Variants in CDKAL1 observed in about 807,000 individuals in gnomAD.
CDKAL1 encodes CDKAL1 threonylcarbamoyladenosine tRNA methylthiotransferase, also known as threonylcarbamoyladenosine tRNA methylthiotransferase.
Under a neutral mutation model 68.2 loss-of-function variants are expected in CDKAL1, and 32 were observed. The ratio of observed to expected loss-of-function variants is 0.47; its 90% CI spans 0.35 to 0.63. The LOEUF is 0.63. Among genes scored for constraint, CDKAL1 ranks in the 30% least tolerant of loss-of-function variants. The probability of loss-of-function intolerance (pLI) is 0.00; values close to 1 mark genes in which losing one functional copy is unlikely to be tolerated. For synonymous variants in CDKAL1, 234 were observed against 244.3 expected (o/e 0.96, Z 0.39); for missense variants, 606 against 696.7 (o/e 0.87, Z 1.47).
At chr6:20,566,086 CCTGG>C (rs1180859014) in intron 4 of CDKAL1, among the ~76,000 whole-genome samples, 1 of 151,942 alleles carries the variant, frequency 6.6e-6, no homozygotes, top group African/African-American at 2.4e-5. Context: ...CCATACATAC[CCTGG>C]CTGTCCATAA....
At chr6:20,584,675 C>T (rs1765273073) in intron 4 of CDKAL1, among the ~76,000 whole-genome samples, 1 of 152,170 alleles carries the variant, frequency 6.6e-6, no homozygotes, top group Non-Finnish European at 1.5e-5. Context: ...TTCAATAGAA[C>T]TTTTGAATAA....
chr6:20,578,295 T>A (rs1288760166), intron 4 of CDKAL1, among the ~76,000 whole-genome samples: 5 of 152,124 alleles, frequency 3.3e-5, no homozygotes, highest in Admixed American at 2.0e-4. Context: ...GTAGGGGATA[T>A]TTCCATCACC....
rs188837994 is a variant in CDKAL1, at chr6:20,791,832, T to C, written c.638+10567T>C. On this transcript the variant is annotated intron_variant, in intron 8 of 15. Transcript: ENST00000274695. ...TGCCTTCCTTTCTTGCCTTTTTTTT[T>C]CCCACTTCTACTGGAGCTAAGGTGC... is the stretch of plus-strand genomic sequence containing the variant. Among the ~76,000 whole-genome samples the C allele has an allele frequency of 4.3e-4, 65 of 152,274 alleles. 1 individual carries two copies. The highest frequency in any genetic ancestry group is 2.1e-3 in the South Asian group (10 of 4,826).
intron 6 of CDKAL1, among the ~76,000 whole-genome samples, chr6:20,753,307 A>C (rs143422536): frequency 6.7e-6 from 1 of 149,612 alleles, no homozygotes; most frequent in Non-Finnish European, 1.5e-5. Context: ...ACCATACTTC[A>C]TTCCCTTTTA....
At chr6:20,650,555 T>C (rs1768712358) in intron 5 of CDKAL1, among the ~76,000 whole-genome samples, 1 of 152,202 alleles carries the variant, frequency 6.6e-6, no homozygotes, top group Non-Finnish European at 1.5e-5. Flanking sequence ...AGAAGCTCTT[T>C]AATTAGATTC....
At chr6:20,631,976 T>C (rs971591384) in intron 4 of CDKAL1, among the ~76,000 whole-genome samples, 1 of 152,234 alleles carries the variant, frequency 6.6e-6, no homozygotes, top group African/African-American at 2.4e-5. Flanking sequence ...TCTATAATTA[T>C]ACTGTATGTG....
intron 4 of CDKAL1, among the ~76,000 whole-genome samples, chr6:20,646,353 CCAA>C (rs1168387569): frequency 2.0e-5 from 3 of 151,190 alleles, no homozygotes; most frequent in Non-Finnish European, 4.4e-5. Flanking sequence ...CTGCACCTGG[CCAA>C]CTTTTTTCTT....
intron 15 of CDKAL1, among the ~76,000 whole-genome samples, chr6:21,203,593 G>T (rs1049710586): frequency 1.7e-4 from 26 of 150,984 alleles, no homozygotes; most frequent in African/African-American, 6.3e-4. Flanking sequence ...GCCCAAGTTC[G>T]TCTTGAACTC....
intron 4 of CDKAL1, among the ~76,000 whole-genome samples, chr6:20,631,928 C>T (rs1186267280): frequency 6.6e-6 from 1 of 152,154 alleles, no homozygotes; most frequent in East Asian, 1.9e-4. Flanking sequence ...CAACTGTAAA[C>T]ATTTTGGTGC....
chr6:20,641,366 T>A (rs1251349726), intron 4 of CDKAL1, among the ~76,000 whole-genome samples: 3 of 152,186 alleles, frequency 2.0e-5, no homozygotes, highest in Non-Finnish European at 4.4e-5. Context: ...TAAATATTCA[T>A]GTGTCCCTTC....
intron 8 of CDKAL1, among the ~76,000 whole-genome samples, chr6:20,808,489 A>G (rs1224489722): frequency 1.3e-5 from 2 of 152,154 alleles, no homozygotes; most frequent in Admixed American, 6.5e-5. Context: ...GTTGATGGAA[A>G]CAGGGAGAGA....
intron 10 of CDKAL1, among the ~76,000 whole-genome samples, chr6:20,992,905 G>GAAA (rs57746939): frequency 8.3e-5 from 12 of 144,094 alleles, no homozygotes; most frequent in Admixed American, 2.1e-4. Context: ...CTGTCTCAAA[G>GAAA]AAAAAAAAAA....
chr6:20,598,437 G>T (rs564990619), intron 4 of CDKAL1, among the ~76,000 whole-genome samples: 3,665 of 152,224 alleles, frequency 0.024, 135 homozygotes, highest in African/African-American at 0.078. Context: ...ATAGGTTACA[G>T]CCATTTTGGA....
In CDKAL1 at chr6:20,696,700, T is replaced by A. The variant is rs185756390; in HGVS notation, c.372-42819T>A. On this transcript the variant is annotated intron_variant, in intron 5 of 15. Transcript: ENST00000274695. ...AGTTGTGTTAAATTGGAAGGTAGTA[T>A]GGTAGAATAAGAATCACAGCTTGTA... Among the ~76,000 whole-genome samples the A allele has an allele frequency of 3.7e-4, 56 of 152,350 alleles. 1 individual carries two copies. Among genetic ancestry groups the A allele is most frequent in the Admixed American group, 3.3e-3 (50 of 15,300 alleles).
chr6:20,601,962 T>C (rs1346904045), intron 4 of CDKAL1, among the ~76,000 whole-genome samples: 1 of 152,184 alleles, frequency 6.6e-6, no homozygotes, highest in African/African-American at 2.4e-5. Context: ...GAAGACCTAA[T>C]GAAAAGTTTA....
At position 20,736,910 on chromosome 6, in the gene CDKAL1, G is replaced by A. The variant is rs947155245; in HGVS notation, c.372-2609G>A. ...CAGAAGGGGAATGTCGATGTCAAATGTATTGACATTTTACACTATGTCACC... is the reference window on the plus strand; with the variant it reads ...CAGAAGGGGAATGTCGATGTCAAATATATTGACATTTTACACTATGTCACC... On this transcript the variant is annotated intron_variant, in intron 5 of 15. Transcript: ENST00000274695. 7.2e-5 allele frequency among the ~76,000 whole-genome samples: 11 copies of A among 152,140 alleles called. No homozygotes were observed. The East Asian group carries it at 2.1e-3, about 29-fold the overall frequency.
intron 4 of CDKAL1, among the ~76,000 whole-genome samples, chr6:20,599,006 A>G (rs1765964569): frequency 6.6e-6 from 1 of 152,014 alleles, no homozygotes; most frequent in Non-Finnish European, 1.5e-5. Flanking sequence ...TTGTTATATC[A>G]TTTTATTTAT....
intron 5 of CDKAL1, among the ~76,000 whole-genome samples, chr6:20,657,928 C>G (rs568272741): frequency 6.6e-6 from 1 of 152,302 alleles, no homozygotes; most frequent in South Asian, 2.1e-4. Flanking sequence ...ACTAGTTCCT[C>G]TTGAGCATTT....
intron 13 of CDKAL1, among the ~76,000 whole-genome samples, chr6:21,170,460 G>T (rs1777335966): frequency 6.6e-6 from 1 of 152,024 alleles, no homozygotes; most frequent in African/African-American, 2.4e-5. Context: ...CGCCCGAGTA[G>T]CTGGGATTAC....
Sources: allele counts gnomAD v4.1 joint callset (sites outside exome capture counted in the v4.1 genomes callset), GRCh38; gene constraint gnomAD v4.1.1; transcripts MANE v1.5; gene names NCBI Gene and HGNC (gene_info 2026-07-23, HGNC 2026-07-21).